Variants in GNAL observed in about 807,000 individuals in gnomAD.
GNAL encodes the protein guanine nucleotide-binding protein G(olf) subunit alpha.
Under a neutral mutation model 55.1 loss-of-function variants are expected in GNAL, and 18 were observed. The ratio of observed to expected loss-of-function variants is 0.33; its 90% CI spans 0.23 to 0.48. The LOEUF (loss-of-function observed/expected upper bound fraction) is 0.48, where lower values mean the gene tolerates loss of function less well. Among genes scored for constraint, GNAL ranks in the 20% least tolerant of loss-of-function variants. The pLI is 0.99. For missense variants in GNAL, 412 were observed against 614.1 expected (o/e 0.67, Z 3.48); for synonymous variants, 253 against 237.0 (o/e 1.07, Z -0.62).
intron 5 of GNAL, among the ~76,000 whole-genome samples, chr18:11,846,544 T>C (rs1217861232): frequency 6.6e-6 from 1 of 151,202 alleles, no homozygotes; most frequent in Non-Finnish European, 1.5e-5. Context: ...TATAGCTCAT[T>C]GTAGTCTCGA....
At chr18:11,742,747 C>T (rs1395681351) in intron 1 of GNAL, among the ~76,000 whole-genome samples, 2 of 152,182 alleles carry the variant, frequency 1.3e-5, no homozygotes, top group South Asian at 2.1e-4. Context: ...TCCTCAACAC[C>T]GGCCTCGGAT....
intron 1 of GNAL, among the ~76,000 whole-genome samples, chr18:11,701,824 T>C (rs2031579537): frequency 6.6e-6 from 1 of 152,214 alleles, no homozygotes; most frequent in Non-Finnish European, 1.5e-5. Context: ...GGAAGGAGAC[T>C]GCTCCTTTTA....
At chr18:11,789,679 T>C (rs1467838175) in intron 4 of GNAL, among the ~76,000 whole-genome samples, 1 of 152,252 alleles carries the variant, frequency 6.6e-6, no homozygotes, top group African/African-American at 2.4e-5. Context: ...TTCCTCCTTA[T>C]ATTTTATCAT....
At chr18:11,795,632 C>A (rs1568030794) in intron 4 of GNAL, among the ~76,000 whole-genome samples, 1 of 152,112 alleles carries the variant, frequency 6.6e-6, no homozygotes, top group Non-Finnish European at 1.5e-5. Flanking sequence ...TCAGCTGAGA[C>A]CTGTTTTAAA....
chr18:11,869,866 A>G (rs1440043093), intron 9 of GNAL, among the ~76,000 whole-genome samples: 1 of 152,202 alleles, frequency 6.6e-6, no homozygotes, highest in Non-Finnish European at 1.5e-5. Flanking sequence ...CTGCGATTGC[A>G]TCACTGCACG....
In GNAL at chr18:11,752,658, C is replaced by A. The variant is rs1366118242; in HGVS notation, c.377-195C>A. Reference sequence around the variant, plus strand: ...AGCGGCGAGCGCCAGGCTGGGCGGGCAGGGCCGGGCGAGGGTCGCGCGCAC... The same window carrying A: ...AGCGGCGAGCGCCAGGCTGGGCGGGAAGGGCCGGGCGAGGGTCGCGCGCAC... On this transcript the variant is annotated intron_variant, in intron 1 of 11. Coordinates refer to ENST00000334049, the MANE Select transcript of GNAL (RefSeq NM_182978.4). The surrounding 1 kb of genome is among the most constrained non-coding windows in gnomAD (Gnocchi z 4.5). The A allele has an allele frequency of 8.1e-6, 11 of 1,364,406 alleles. No homozygotes were observed. The highest frequency in any genetic ancestry group is 1.0e-5 in the Non-Finnish European group (11 of 1,049,414). 84.5% of individuals were successfully genotyped at this position (1,364,406 alleles called of 1,614,324 possible).
chr18:11,835,798 A>G (rs2035485280), intron 5 of GNAL, among the ~76,000 whole-genome samples: 1 of 152,154 alleles, frequency 6.6e-6, no homozygotes, highest in South Asian at 2.1e-4. Context: ...ACTCAGGGAA[A>G]ACAACTAAGT....
chr18:11,803,012 T>A (rs1385594140), intron 4 of GNAL, among the ~76,000 whole-genome samples: 3 of 152,202 alleles, frequency 2.0e-5, no homozygotes, highest in Non-Finnish European at 4.4e-5. Flanking sequence ...TAGGTTTCAC[T>A]TGGAGATGGA....
intron 4 of GNAL, among the ~76,000 whole-genome samples, chr18:11,817,591 G>GTT (rs2034988899): frequency 6.6e-6 from 1 of 152,054 alleles, no homozygotes; most frequent in East Asian, 1.9e-4. Flanking sequence ...TTTTCGTGTA[G>GTT]TTTTCTTTTT....
At chr18:11,728,696 T>A (rs374269039) in intron 1 of GNAL, among the ~76,000 whole-genome samples, 1 of 152,244 alleles carries the variant, frequency 6.6e-6, no homozygotes, top group African/African-American at 2.4e-5. Flanking sequence ...CAGACATTGA[T>A]TCCTTCACAT....
At chr18:11,778,602 A>G (rs573040557) in intron 4 of GNAL, among the ~76,000 whole-genome samples, 2 of 152,308 alleles carry the variant, frequency 1.3e-5, no homozygotes, top group East Asian at 3.9e-4. Context: ...TATAAATGAA[A>G]GCTAGGCAAG....
rs1291773728 is a variant in GNAL at position 11,851,827 on chromosome 18, A to G, written c.723-10568A>G. 6 of 1,613,986 alleles carry G rather than the reference A, an allele frequency of 3.7e-6. No homozygotes were observed. The highest frequency in any genetic ancestry group is 2.2e-5 in the South Asian group (2 of 91,082). Reference sequence around the variant, plus strand: ...GTCGATGGATGCGACATTGAAGACCATGAATCTGGAGAAGATTTCTGCTTT... The same window carrying G: ...GTCGATGGATGCGACATTGAAGACCGTGAATCTGGAGAAGATTTCTGCTTT... On this transcript the variant is annotated intron_variant, in intron 5 of 11. Transcript: ENST00000334049.
chr18:11,709,330 T>TA (rs56700086), intron 1 of GNAL, among the ~76,000 whole-genome samples: 30,349 of 138,334 alleles, frequency 0.22, 7,147 homozygotes, highest in African/African-American at 0.6. Context: ...TCTATTTTTG[T>TA]AAAAAAAAAA....
At chr18:11,781,981 G>A (rs2033933989) in intron 4 of GNAL, among the ~76,000 whole-genome samples, 1 of 152,154 alleles carries the variant, frequency 6.6e-6, no homozygotes, top group Non-Finnish European at 1.5e-5. Context: ...CAAGACAATG[G>A]ATACATAATA....
intron 1 of GNAL, among the ~76,000 whole-genome samples, chr18:11,749,141 A>C (rs1490322949): frequency 1.7e-4 from 26 of 150,528 alleles, no homozygotes; most frequent in African/African-American, 5.1e-4. Context: ...AAAAAAAAAA[A>C]AAAAAAAAAA....
At chr18:11,854,776 A>G (rs1426953322) in intron 5 of GNAL, among the ~76,000 whole-genome samples, 5 of 152,094 alleles carry the variant, frequency 3.3e-5, no homozygotes, top group Non-Finnish European at 7.4e-5. Context: ...GATGAAACTC[A>G]GTCTCAAAAA....
chr18:11,845,911 C>T (rs555750173), intron 5 of GNAL, among the ~76,000 whole-genome samples: 2 of 152,192 alleles, frequency 1.3e-5, no homozygotes, highest in East Asian at 3.9e-4. Flanking sequence ...ATACAAACTG[C>T]CAGGAAAACG....
chr18:11,813,477 A>C (rs1272327246), intron 4 of GNAL, among the ~76,000 whole-genome samples: 1 of 152,238 alleles, frequency 6.6e-6, no homozygotes, highest in East Asian at 1.9e-4. Flanking sequence ...CTGGAAGCAA[A>C]GACTAAAGTC....
At chr18:11,729,266 A>C (rs1354657640) in intron 1 of GNAL, among the ~76,000 whole-genome samples, 1 of 152,148 alleles carries the variant, frequency 6.6e-6, no homozygotes, top group Non-Finnish European at 1.5e-5. Flanking sequence ...CTTCCTGCCT[A>C]TGGAGCAGTG....
Sources: gnomAD v4.1 joint callset for allele counts (sites outside exome capture counted in the v4.1 genomes callset) on GRCh38, gnomAD v4.1.1 for gene constraint, Gnocchi (gnomAD v3.1) non-coding constraint, MANE v1.5 for transcripts, NCBI Gene and HGNC (gene_info 2026-07-23, HGNC 2026-07-21) for gene names.